IRF2: variants seen among roughly 807,000 people sequenced by gnomAD.
IRF2 encodes the protein interferon regulatory factor 2.
IRF2 carries 15 observed loss-of-function variants against 40.6 expected under a neutral mutation model. The observed-to-expected ratio is 0.37, with a 90% CI of 0.25 to 0.57. IRF2 has a LOEUF of 0.57. Among genes scored for constraint, IRF2 ranks in the 20% least tolerant of loss-of-function variants. The pLI, the probability that IRF2 is intolerant of heterozygous loss-of-function variation, is 0.77. For synonymous variants in IRF2, 151 were observed against 165.5 expected (o/e 0.91, Z 0.67); for missense variants, 317 against 455.7 (o/e 0.70, Z 2.77).
intron 1 of IRF2, among the ~76,000 whole-genome samples, chr4:184,429,577 A>C (rs1384372762): frequency 6.6e-6 from 1 of 152,194 alleles, no homozygotes; most frequent in African/African-American, 2.4e-5. Context: ...GAAAGGAATC[A>C]GTTAATTTGG....
chr4:184,450,854 T>C (rs952524904), intron 1 of IRF2, among the ~76,000 whole-genome samples: 6 of 152,196 alleles, frequency 3.9e-5, no homozygotes, highest in Admixed American at 6.5e-5. Flanking sequence ...GTTTGTTTGT[T>C]TGTTGCTGTG....
intron 2 of IRF2, among the ~76,000 whole-genome samples, chr4:184,421,550 G>T (rs544699334): frequency 1.3e-5 from 2 of 152,230 alleles, no homozygotes; most frequent in South Asian, 2.1e-4. Context: ...TTCCTGAAGT[G>T]CATGCCCAGA....
At position 184,466,060 on chromosome 4, in the gene IRF2, G is replaced by GTTTTT. The variant is rs750400403; in HGVS notation, c.-7+8314_-7+8318dup. Among the ~76,000 whole-genome samples, 4 of 109,698 alleles carry GTTTTT rather than the reference G, an allele frequency of 3.6e-5. 1 individual carries two copies. The highest frequency in any genetic ancestry group is 3.0e-4 in the South Asian group (1 of 3,312). The allele number at this position is 109,698 out of a possible 152,430, so 72.0% of individuals were successfully genotyped here. On this transcript the variant is annotated intron_variant, in intron 1 of 8. Coordinates refer to ENST00000393593, the MANE Select transcript of IRF2 (RefSeq NM_002199.4). ...AACTTGTCCCATCTGGTTGTTTTTTGTTTTTTGTTTTTTTTTTGAGATGAA... is the reference window on the plus strand; with the variant it reads ...AACTTGTCCCATCTGGTTGTTTTTTGTTTTTTTTTTTGTTTTTTTTTTGAGATGAA...
At chr4:184,452,765 T>C (rs769274400) in intron 1 of IRF2, among the ~76,000 whole-genome samples, 387 of 22,574 alleles carry the variant, frequency 0.017, 1 homozygote, top group Admixed American at 0.018. Flanking sequence ...AGCAGGACCC[T>C]GTCTCAAAAA....
intron 7 of IRF2, among the ~76,000 whole-genome samples, chr4:184,392,039 T>C (rs1736279553): frequency 6.6e-6 from 1 of 152,216 alleles, no homozygotes; most frequent in African/African-American, 2.4e-5. Context: ...AGTCTAGTGA[T>C]TACACATGAC....
At chr4:184,411,279 G>A (rs570767053) in intron 5 of IRF2, among the ~76,000 whole-genome samples, 5 of 152,068 alleles carry the variant, frequency 3.3e-5, no homozygotes, top group South Asian at 2.1e-4. Context: ...GGCTGGTCTC[G>A]AACCCCTGAC....
intron 6 of IRF2, among the ~76,000 whole-genome samples, chr4:184,401,110 T>G (rs1736649708): frequency 6.6e-6 from 1 of 152,270 alleles, no homozygotes; most frequent in Non-Finnish European, 1.5e-5. Context: ...TATGTTGCAG[T>G]CATTTTCTCA....
chr4:184,432,442 C>G (rs1202149937), intron 1 of IRF2, among the ~76,000 whole-genome samples: 1 of 152,226 alleles, frequency 6.6e-6, no homozygotes, highest in Non-Finnish European at 1.5e-5. Context: ...AGGCATTGTG[C>G]TGAAGTGCCT....
At chr4:184,390,317 T>C (rs1178963793) in intron 8 of IRF2, among the ~76,000 whole-genome samples, 2 of 152,222 alleles carry the variant, frequency 1.3e-5, no homozygotes, top group Non-Finnish European at 2.9e-5. Context: ...GAAGAGGCTT[T>C]TGCTTAGCAT....
In IRF2 at chr4:184,428,929, G is replaced by C. The variant is rs759156064; in HGVS notation, c.87+49C>G. ...TACTTTCAGCAGTCCGCATGGGCGT[G>C]TTTCAGCCAGGACCTCTCTCACACA... On this transcript the variant is annotated intron_variant, in intron 2 of 8. Transcript: ENST00000393593. 57 of 1,451,064 alleles carry C rather than the reference G, an allele frequency of 3.9e-5. No homozygotes were observed. In the Admixed American group the frequency reaches 9.2e-4, roughly 23 times the overall value. 89.9% of individuals were successfully genotyped at this position (1,451,064 alleles called of 1,614,324 possible).
chr4:184,428,684 A>C, intron 2 of IRF2: 1 of 487,760 alleles, frequency 2.1e-6, no homozygotes, highest in South Asian at 1.6e-5. Flanking sequence ...CTGTAGTTCC[A>C]GCTACTCTGG....
chr4:184,398,912 T>C lies in IRF2; in HGVS notation c.694+3A>G, dbSNP rs1230616612. On this transcript the variant is annotated splice_donor_region_variant and intron_variant, in intron 7 of 8. Coordinates refer to ENST00000393593, the MANE Select transcript of IRF2 (RefSeq NM_002199.4). ...CCTCCCGGAGCCTCCCGCTGACGCT[T>C]ACCTGCATAGGAAGACACGGGGGAG... 6.3e-7 allele frequency: 1 copy of C among 1,597,222 alleles called. No individual in the cohort carries two copies. Among genetic ancestry groups the C allele is most frequent in the Non-Finnish European group, 8.5e-7 (1 of 1,173,140 alleles).
chr4:184,428,960 C>G lies in IRF2; in HGVS notation c.87+18G>C, dbSNP rs755724894. On this transcript the variant is annotated intron_variant, in intron 2 of 8. Coordinates refer to ENST00000393593, the MANE Select transcript of IRF2 (RefSeq NM_002199.4). ...GCCAGGACCTCTCTCACACATACAC[C>G]CACCCTGACCCACTCACCTTGTTAA... 6.2e-7 allele frequency: 1 copy of G among 1,605,168 alleles called. No homozygotes were observed. Among genetic ancestry groups the G allele is most frequent in the African/African-American group, 1.3e-5 (1 of 74,738 alleles).
At chr4:184,393,373 T>A (rs934830091) in intron 7 of IRF2, among the ~76,000 whole-genome samples, 2 of 152,212 alleles carry the variant, frequency 1.3e-5, no homozygotes, top group African/African-American at 4.8e-5. Flanking sequence ...TGCTCTTCAC[T>A]CCTAATGACT....
intron 1 of IRF2, chr4:184,471,960 C>T (rs977535429): frequency 3.3e-5 from 5 of 152,176 alleles, no homozygotes; most frequent in African/African-American, 1.2e-4. Context: ...TTTTAACAAG[C>T]AGTTACAAAT....
chr4:184,400,057 T>C (rs1223950472), intron 6 of IRF2, among the ~76,000 whole-genome samples: 1 of 152,240 alleles, frequency 6.6e-6, no homozygotes, highest in African/African-American at 2.4e-5. Flanking sequence ...ACTTGCACTC[T>C]TTTGTGTGAG....
intron 7 of IRF2, among the ~76,000 whole-genome samples, chr4:184,394,011 C>T (rs1736355128): frequency 6.6e-6 from 1 of 152,220 alleles, no homozygotes; most frequent in Non-Finnish European, 1.5e-5. Flanking sequence ...GTTGTCATTT[C>T]ATTTTCCCTT....
At chr4:184,445,516 A>T (rs1418294675) in intron 1 of IRF2, among the ~76,000 whole-genome samples, 7 of 152,086 alleles carry the variant, frequency 4.6e-5, no homozygotes, top group African/African-American at 1.7e-4. Context: ...TTAGCTGGGC[A>T]TGGTGGTGTG....
chr4:184,425,974 C>T (rs377279851), intron 2 of IRF2, among the ~76,000 whole-genome samples: 6 of 114,288 alleles, frequency 5.2e-5, no homozygotes, highest in African/African-American at 7.0e-5. Flanking sequence ...GGGCTCACTC[C>T]GGTTTTTGTT....
Sources: allele counts gnomAD v4.1 joint callset (sites outside exome capture counted in the v4.1 genomes callset), GRCh38; gene constraint gnomAD v4.1.1; transcripts MANE v1.5; gene names NCBI Gene and HGNC (gene_info 2026-07-23, HGNC 2026-07-21).